YY1AP1: variants seen among roughly 807,000 people sequenced by gnomAD.
YY1AP1 encodes the protein YY1-associated protein 1.
Under a neutral mutation model 39.9 loss-of-function variants are expected in YY1AP1, and 43 were observed. The ratio of observed to expected loss-of-function variants is 1.08; its 90% CI spans 0.84 to 1.39. The LOEUF is 1.39. Ranked by LOEUF, YY1AP1 falls within the 40% of genes most tolerant of loss-of-function variation. The pLI is 0.00. For missense variants in YY1AP1, 813 were observed against 900.7 expected, an observed-to-expected ratio of 0.90 and a Z score of 1.25; for synonymous variants, 292 against 331.3, an observed-to-expected ratio of 0.88 and a Z score of 1.29.
At position 155,659,774 on chromosome 1, in the gene YY1AP1, C is replaced by A; in HGVS notation, c.2136G>T (p.Leu712=). The change falls in exon 11 of 11, where the codon CTG becomes CTT. Residue 712 remains leucine (L), a synonymous_variant. Coordinates refer to ENST00000355499, the MANE Select transcript of YY1AP1 (RefSeq NM_139119.3). ...CCTGGATGCCCTGAGGGAGCGGCTC[C>A]AGAGCTTGCCTTCCCTCCTCTGTTT... The part of the protein sequence containing the change: ...VVKTEEGRQA[L]EPLPQGIQES... 1.2e-6 allele frequency: 2 copies of A among 1,614,252 alleles called. No homozygotes were observed. The highest frequency in any genetic ancestry group is 1.7e-6 in the Non-Finnish European group (2 of 1,180,054).
chr1:155,687,229 T>C (rs1359541537), intron 2 of YY1AP1, among the ~76,000 whole-genome samples: 1 of 151,952 alleles, frequency 6.6e-6, no homozygotes. Context: ...CCTTCACATT[T>C]ACACAACTCA....
At chr1:155,678,040 A>G (rs1571351760) in intron 4 of YY1AP1, among the ~76,000 whole-genome samples, 1 of 152,212 alleles carries the variant, frequency 6.6e-6, no homozygotes, top group East Asian at 1.9e-4. Flanking sequence ...GCCCAAGTAC[A>G]GTCATGCGCC....
Position 155,670,463 on chromosome 1 carries a change from G to A in YY1AP1, c.585C>T (p.Ala195=). ...GCTTTGGCAAACAGGGAAATTCATT[G>A]GCTATAAGAAAATAAATCTCTGATA... is the stretch of plus-strand genomic sequence containing the variant. ...CSPHKTVKKT[A]NEFPCLPKQV... The change falls in exon 8 of 11, where the codon GCC becomes GCT. Residue 195 remains alanine (A), a splice_region_variant and synonymous_variant. Coordinates refer to ENST00000355499, the MANE Select transcript of YY1AP1 (RefSeq NM_139119.3). 1 of 1,613,800 alleles carries A rather than the reference G, an allele frequency of 6.2e-7. No homozygotes were observed. Among genetic ancestry groups the A allele is most frequent in the Non-Finnish European group, 8.5e-7 (1 of 1,179,950 alleles).
Position 155,679,467 on chromosome 1 carries a change from C to T in YY1AP1, c.67G>A (p.Glu23Lys), listed in dbSNP as rs1421331821. 1.2e-6 allele frequency: 2 copies of T among 1,614,106 alleles called. No individual in the cohort carries two copies. Among genetic ancestry groups the T allele is most frequent in the Non-Finnish European group, 1.7e-6 (2 of 1,180,050 alleles). Residue 23 changes from glutamate to lysine, a missense_variant, in exon 4 of 11, where the codon GAA becomes AAA. Glu to Lys is a moderately conservative substitution (Grantham distance 56). This residue lies in a region of YY1AP1 where 196 missense variants were observed against 189.7 expected (regional missense o/e 1.03). Transcript: ENST00000355499. ...GGCTCAGCCACACGCTCCTCCTCTT[C>T]TGGGCCATCATCTTCCATGTTGGAG... ...GFSNMEDDGPEEEERVAEPQA... is the reference protein window; with the variant it reads ...GFSNMEDDGPKEEERVAEPQA...
intron 9 of YY1AP1, among the ~76,000 whole-genome samples, chr1:155,665,314 CTAAAG>C (rs774603002): frequency 6.6e-6 from 1 of 151,510 alleles, no homozygotes; most frequent in Non-Finnish European, 1.5e-5. Context: ...ATGTGTTCCA[CTAAAG>C]TAAAGAAGTA....
chr1:155,676,665 T>A lies in YY1AP1; in HGVS notation c.207A>T (p.Lys69Asn), dbSNP rs1318837201. The A allele has an allele frequency of 1.2e-6, 2 of 1,614,126 alleles. No homozygotes were observed. Among genetic ancestry groups the A allele is most frequent in the Non-Finnish European group, 1.7e-6 (2 of 1,180,018 alleles). ...KELFEQLKMK[K>N]PSAKQQKEVE... is the part of the protein sequence containing the mutation. ...CCTCCTTCTGCTGTTTGGCTGAAGGTTTCTTCATCTTCAGCTGTTCAAATA... is the reference window on the plus strand; with the variant it reads ...CCTCCTTCTGCTGTTTGGCTGAAGGATTCTTCATCTTCAGCTGTTCAAATA... The change falls in exon 5 of 11, where the codon AAA (lysine) becomes AAT (asparagine). Residue 69 changes from lysine (K) to asparagine (N), a missense_variant. Physicochemically the swap from Lys to Asn is moderately conservative, Grantham distance 94 (BLOSUM62 0). Around this residue, in one of 3 missense-constraint regions of YY1AP1, gnomAD observed 196 missense variants for 189.7 expected, o/e 1.03. Transcript: ENST00000355499.
chr1:155,684,073 C>T (rs1037659196), intron 2 of YY1AP1, among the ~76,000 whole-genome samples: 1 of 152,134 alleles, frequency 6.6e-6, no homozygotes, highest in Non-Finnish European at 1.5e-5. Context: ...CGTGGGGAAA[C>T]CCTGTCTCAA....
rs1231852577 is a variant in YY1AP1 at position 155,668,728 on chromosome 1, G to C, written c.778C>G (p.Pro260Ala). Reference protein sequence around the residue: ...KHFEGTEFLNPLISKYLLTCK... With the variant: ...KHFEGTEFLNALISKYLLTCK... ...GTTAGAAGGTACTTGCTGATTAGAG[G>C]GTTAAGAAACTCAGTCCCTTCAAAA... Residue 260 changes from proline to alanine, a missense_variant, in exon 9 of 11, where the codon CCT becomes GCT. By Grantham distance (27) the Pro-to-Ala change is conservative (BLOSUM62 -1). Around this residue, in one of 3 missense-constraint regions of YY1AP1, gnomAD observed 586 missense variants for 647.4 expected, o/e 0.91. Coordinates refer to ENST00000355499, the MANE Select transcript of YY1AP1 (RefSeq NM_139119.3). The C allele has an allele frequency of 6.2e-7, 1 of 1,614,026 alleles. No individual in the cohort carries two copies. The highest frequency in any genetic ancestry group is 1.3e-5 in the African/African-American group (1 of 74,980).
rs564650826 is a variant in YY1AP1, at chr1:155,675,104, G to A, written c.325-8C>T. 1.9e-6 allele frequency: 3 copies of A among 1,612,400 alleles called. No individual in the cohort carries two copies. Among genetic ancestry groups the A allele is most frequent in the South Asian group, 2.2e-5 (2 of 91,048 alleles). On this transcript the variant is annotated splice_region_variant and splice_polypyrimidine_tract_variant and intron_variant, in intron 5 of 10. Transcript: ENST00000355499. Reference sequence around the variant, plus strand: ...TGTCAAGAGCTGAACATGCTGGGGAGAGAAAGAAAATAATGCAGTGATATG... The same window carrying A: ...TGTCAAGAGCTGAACATGCTGGGGAAAGAAAGAAAATAATGCAGTGATATG...
intron 1 of YY1AP1, 162 bp from the exon 2 acceptor site, chr1:155,688,363 C>A (rs1652965369): frequency 6.5e-7 from 1 of 1,547,256 alleles, no homozygotes; most frequent in Admixed American, 2.0e-5. Context: ...GCAGCTCCTC[C>A]AGAGGGAGGG....
upstream of YY1AP1, chr1:155,688,789 C>G: frequency 6.5e-7 from 1 of 1,542,782 alleles, no homozygotes; most frequent in Non-Finnish European, 8.7e-7. Context: ...CTCGCGCGTG[C>G]GCCTCCCACA....
chr1:155,661,189 A>T (rs746661894), intron 10 of YY1AP1, 118 bp downstream of exon 10: 218 of 1,607,700 alleles, frequency 1.4e-4, no homozygotes, highest in Admixed American at 1.0e-3. Flanking sequence ...AATCAGGAAG[A>T]TTCCTGAAGT....
At position 155,680,427 on chromosome 1, in the gene YY1AP1, G is replaced by C; in HGVS notation, c.10C>G (p.Leu4Val). 6.2e-7 allele frequency: 1 copy of C among 1,613,530 alleles called. No homozygotes were observed. The highest frequency in any genetic ancestry group is 8.5e-7 in the Non-Finnish European group (1 of 1,179,666). Residue 4 changes from leucine to valine, a missense_variant, in exon 3 of 11, where the codon CTG becomes GTG. This residue lies in a region of YY1AP1 where 196 missense variants were observed against 189.7 expected (regional missense o/e 1.03). Coordinates refer to ENST00000355499, the MANE Select transcript of YY1AP1 (RefSeq NM_139119.3). Reference protein sequence around the residue: MEDLFETFQDEMGF... With the variant: MEDVFETFQDEMGF... ...GGATCATTACTCACAGTTTCAAACAGATCTTCCATCAGCTCATTTGCTTCC... is the reference window on the plus strand; with the variant it reads ...GGATCATTACTCACAGTTTCAAACACATCTTCCATCAGCTCATTTGCTTCC...
intron 2 of YY1AP1, among the ~76,000 whole-genome samples, chr1:155,685,411 T>G (rs1350113358): frequency 6.6e-6 from 1 of 152,236 alleles, no homozygotes; most frequent in Non-Finnish European, 1.5e-5. Context: ...TAACTCAGTG[T>G]TTGTTATAAC....
rs1405576071 is a variant in YY1AP1 at position 155,679,439 on chromosome 1, T to C, written c.95A>G (p.Gln32Arg). The part of the protein sequence containing the change: ...PEEEERVAEP[Q>R]ANFNTPQALR... Reference sequence around the variant, plus strand: ...AGCTTGAGGGGTGTTAAAGTTAGCTTGAGGCTCAGCCACACGCTCCTCCTC... The same window carrying C: ...AGCTTGAGGGGTGTTAAAGTTAGCTCGAGGCTCAGCCACACGCTCCTCCTC... The change falls in exon 4 of 11, where the codon CAA becomes CGA. Residue 32 changes from glutamine (Q) to arginine (R), a missense_variant. This residue lies in a region of YY1AP1 where 196 missense variants were observed against 189.7 expected (regional missense o/e 1.03). Transcript: ENST00000355499. 1.9e-6 allele frequency: 3 copies of C among 1,614,204 alleles called. No homozygotes were observed. The highest frequency in any genetic ancestry group is 2.2e-5 in the South Asian group (2 of 91,078).
At chr1:155,683,143 A>G (rs1651760482) in intron 2 of YY1AP1, among the ~76,000 whole-genome samples, 1 of 152,200 alleles carries the variant, frequency 6.6e-6, no homozygotes, top group Non-Finnish European at 1.5e-5. Context: ...ATTATATTTC[A>G]GGAATTCCTT....
Position 155,679,827 on chromosome 1 carries a change from CA to C in YY1AP1, c.22-316del, listed in dbSNP as rs1014633424. On this transcript the variant is annotated intron_variant, in intron 3 of 10. Coordinates refer to ENST00000355499, the MANE Select transcript of YY1AP1 (RefSeq NM_139119.3). ...TATGGAAAAGGTAATTATTTGTGTG[CA>C]AAATACTTTAAAACTAGTTGGCAAT... 3.4e-6 allele frequency: 4 copies of C among 1,186,306 alleles called. No homozygotes were observed. The African/African-American group carries it at 6.3e-5, about 19-fold the overall frequency. 73.5% of individuals were successfully genotyped at this position (1,186,306 alleles called of 1,614,324 possible). A position where few individuals can be genotyped will look rare whatever the true frequency, so the allele number is the denominator to read the frequency against.
intron 2 of YY1AP1, 21 bp downstream of exon 2, chr1:155,688,050 G>C (rs184133133): frequency 6.4e-7 from 1 of 1,554,258 alleles, no homozygotes; most frequent in Non-Finnish European, 8.7e-7. Flanking sequence ...CCCGAATGCC[G>C]GCCCAAATCG....
chr1:155,667,475 A>G (rs1649178110), intron 9 of YY1AP1, among the ~76,000 whole-genome samples: 1 of 151,540 alleles, frequency 6.6e-6, no homozygotes, highest in African/African-American at 2.4e-5. Context: ...TCCAGCCAGG[A>G]TGACAGAGTG....
Sources: allele counts gnomAD v4.1 joint callset (sites outside exome capture counted in the v4.1 genomes callset), GRCh38; gene constraint gnomAD v4.1.1; regional missense constraint gnomAD v4.1.1; transcripts MANE v1.5; gene names NCBI Gene and HGNC (gene_info 2026-07-23, HGNC 2026-07-21).